PTPRF: variants seen among roughly 807,000 people sequenced by gnomAD.
The protein encoded by PTPRF is protein tyrosine phosphatase receptor type F, also known as receptor-type tyrosine-protein phosphatase F.
PTPRF carries 59 observed loss-of-function variants against 201.8 expected under a neutral mutation model. The ratio of observed to expected loss-of-function variants is 0.29; its 90% CI spans 0.24 to 0.36. PTPRF has a LOEUF of 0.36. Among genes scored for constraint, PTPRF ranks in the 10% least tolerant of loss-of-function variants. The pLI, the probability that PTPRF is intolerant of heterozygous loss-of-function variation, is 1.00. For synonymous variants in PTPRF, 1,088 were observed against 1,089.7 expected (o/e 1.00, Z 0.03); for missense variants, 2,132 against 2,690.5 (o/e 0.79, Z 4.59).
At chr1:43,592,627 T>A in intron 11 of PTPRF, 26 bp downstream of exon 11, 1 of 1,555,828 alleles carries the variant, frequency 6.4e-7, no homozygotes, top group Non-Finnish European at 8.7e-7. Context: ...GTCCGCTGCC[T>A]GTTACACCTG....
intron 14 of PTPRF, among the ~76,000 whole-genome samples, chr1:43,602,908 A>T (rs1008274333): frequency 2.0e-5 from 3 of 152,154 alleles, no homozygotes; most frequent in African/African-American, 7.2e-5. Context: ...AGTGGCCTAT[A>T]TGGGGGCAGC....
At chr1:43,586,536 C>T (rs1441664112) in intron 7 of PTPRF, among the ~76,000 whole-genome samples, 1 of 152,242 alleles carries the variant, frequency 6.6e-6, no homozygotes, top group Non-Finnish European at 1.5e-5. Flanking sequence ...AGAACTGTGT[C>T]TGTGACATGC....
At chr1:43,533,396 C>CA (rs1236022808) in intron 1 of PTPRF, among the ~76,000 whole-genome samples, 1 of 151,322 alleles carries the variant, frequency 6.6e-6, no homozygotes, top group Admixed American at 6.6e-5. Flanking sequence ...GGATACGCAG[C>CA]AAAATACTAG....
intron 13 of PTPRF, among the ~76,000 whole-genome samples, chr1:43,599,563 C>T (rs886639500): frequency 1.3e-5 from 2 of 152,162 alleles, no homozygotes; most frequent in East Asian, 1.9e-4. Flanking sequence ...CTGCAGGGAA[C>T]GATTCAGCCC....
Position 43,619,318 on chromosome 1 carries a change from C to A in PTPRF, c.4677C>A (p.Ile1559=). Residue 1559 remains isoleucine (I), a synonymous_variant, in exon 28 of 34, where the codon ATC becomes ATA. Transcript: ENST00000359947. ...SAGVGRTGCF[I]VIDAMLERMK... ...GCGTGGGCCGCACCGGCTGCTTCAT[C>A]GTGATTGATGCCATGTTGGAGCGGA... The A allele has an allele frequency of 6.2e-7, 1 of 1,613,678 alleles. No homozygotes were observed. Among genetic ancestry groups the A allele is most frequent in the African/African-American group, 1.3e-5 (1 of 75,048 alleles).
chr1:43,557,362 G>A (rs1231774637), intron 5 of PTPRF, among the ~76,000 whole-genome samples: 10 of 152,194 alleles, frequency 6.6e-5, no homozygotes, highest in Admixed American at 3.3e-4. Flanking sequence ...GGCTGGGTGT[G>A]GTGGCTCACG....
intron 7 of PTPRF, chr1:43,583,099 TC>T (rs1171261279): frequency 1.0e-6 from 1 of 985,440 alleles, no homozygotes; most frequent in African/African-American, 1.7e-5. Flanking sequence ...AGAAGGTTGG[TC>T]CTTTTCACTT....
chr1:43,591,896 G>A lies in PTPRF; in HGVS notation c.1616G>A (p.Arg539Gln), dbSNP rs748453373. ...QLSWLLPPQE[R>Q]IIMYELVYWA... ...TCGTGGCTGCTGCCCCCTCAGGAGC[G>A]GATCATCATGTATGAACTGGTGTAC... The change falls in exon 10 of 34, where the codon CGG becomes CAG. Residue 539 changes from arginine to glutamine, a missense_variant. Transcript: ENST00000359947. The A allele has an allele frequency of 4.2e-5, 68 of 1,613,362 alleles. No homozygotes were observed. The highest frequency in any genetic ancestry group is 3.3e-4 in the Middle Eastern group (2 of 6,084).
chr1:43,574,477 G>A (rs1646793270), intron 6 of PTPRF, among the ~76,000 whole-genome samples: 1 of 151,966 alleles, frequency 6.6e-6, no homozygotes, highest in African/African-American at 2.4e-5. Flanking sequence ...GGACAACATT[G>A]GTTTACCCTT....
chr1:43,540,651 C>T (rs1026208208), intron 2 of PTPRF, among the ~76,000 whole-genome samples: 1 of 152,226 alleles, frequency 6.6e-6, no homozygotes, highest in African/African-American at 2.4e-5. Flanking sequence ...CCCTCCACTC[C>T]TCAGTGAGAT....
intron 5 of PTPRF, among the ~76,000 whole-genome samples, chr1:43,557,432 G>C (rs557650626): frequency 6.6e-6 from 1 of 152,178 alleles, no homozygotes. Context: ...TCAGGAGTTC[G>C]AGACCAGCCT....
chr1:43,573,288 C>CG (rs1646696482), intron 6 of PTPRF, among the ~76,000 whole-genome samples: 1 of 152,132 alleles, frequency 6.6e-6, no homozygotes, highest in South Asian at 2.1e-4. Flanking sequence ...CAGGCTGTGC[C>CG]GAGCCTGGAC....
In PTPRF at chr1:43,619,041, C is replaced by G. The variant is rs1004691511; in HGVS notation, c.4492-7C>G. 6.2e-7 allele frequency: 1 copy of G among 1,611,256 alleles called. No homozygotes were observed. Among genetic ancestry groups the G allele is most frequent in the Admixed American group, 1.7e-5 (1 of 59,962 alleles). ...AGTCGCCAGTATGTCCCCACTTTGTCCCCCAGAGTGGCTCCAGTGAGAAGC... is the reference window on the plus strand; with the variant it reads ...AGTCGCCAGTATGTCCCCACTTTGTGCCCCAGAGTGGCTCCAGTGAGAAGC... On this transcript the variant is annotated splice_polypyrimidine_tract_variant and splice_region_variant and intron_variant, in intron 26 of 33. Transcript: ENST00000359947.
chr1:43,610,631 G>C (rs1376861002), intron 22 of PTPRF, among the ~76,000 whole-genome samples: 1 of 152,218 alleles, frequency 6.6e-6, no homozygotes, highest in African/African-American at 2.4e-5. Flanking sequence ...TGTGATCCCA[G>C]CACTTTGGGA....
intron 5 of PTPRF, among the ~76,000 whole-genome samples, chr1:43,561,494 C>T (rs1367869410): frequency 6.6e-6 from 1 of 152,142 alleles, no homozygotes; most frequent in Non-Finnish European, 1.5e-5. Flanking sequence ...GGGTAACAGT[C>T]TGCTTTGGCA....
intron 13 of PTPRF, among the ~76,000 whole-genome samples, chr1:43,601,696 C>T (rs1653787586): frequency 6.6e-6 from 1 of 152,238 alleles, no homozygotes; most frequent in African/African-American, 2.4e-5. Flanking sequence ...GTCTTCCTTT[C>T]CCTTGGCCTG....
At chr1:43,610,550 C>T (rs369432222) in intron 22 of PTPRF, among the ~76,000 whole-genome samples, 43 of 152,352 alleles carry the variant, frequency 2.8e-4, no homozygotes, top group African/African-American at 8.7e-4. Flanking sequence ...GACTATGGCC[C>T]GTGGCCAAGT....
At chr1:43,568,547 C>T (rs1438705838) in intron 5 of PTPRF, among the ~76,000 whole-genome samples, 3 of 152,202 alleles carry the variant, frequency 2.0e-5, no homozygotes, top group African/African-American at 7.2e-5. Flanking sequence ...GGCACTTGAA[C>T]CCTGTGTACA....
Position 43,537,052 on chromosome 1 carries a change from C to T in PTPRF, c.-125-1146C>T, listed in dbSNP as rs1010108195. ...TCCGTTATAGGAGGAGCCAAGGTGG[C>T]AGAGTGGTGTGGGGTGGGGATCACT... On this transcript the variant is annotated intron_variant, in intron 1 of 33. Coordinates refer to ENST00000359947, the MANE Select transcript of PTPRF (RefSeq NM_002840.5). This position sits in a 1 kb window ranked among gnomAD's most constrained non-coding sequence, Gnocchi z 4.8. 1.3e-5 allele frequency among the ~76,000 whole-genome samples: 2 copies of T among 152,172 alleles called. No individual in the cohort carries two copies. The highest frequency in any genetic ancestry group is 2.9e-5 in the Non-Finnish European group (2 of 68,040).
Sources: gnomAD v4.1 joint callset for allele counts (sites outside exome capture counted in the v4.1 genomes callset) on GRCh38, gnomAD v4.1.1 for gene constraint, Gnocchi (gnomAD v3.1) non-coding constraint, MANE v1.5 for transcripts, NCBI Gene and HGNC (gene_info 2026-07-23, HGNC 2026-07-21) for gene names.